The following NBEA variants were observed in gnomAD, a reference collection of about 807,000 sequenced individuals.
NBEA encodes lysosomal-trafficking regulator 2.
A neutral mutation model predicts 343.4 loss-of-function variants in NBEA; 44 were observed. The observed-to-expected ratio is 0.13, with a 90% CI of 0.10 to 0.16. NBEA has a LOEUF of 0.16. Among genes scored for constraint, NBEA ranks in the 10% least tolerant of loss-of-function variants. The probability of loss-of-function intolerance (pLI) is 1.00; values close to 1 mark genes in which losing one functional copy is unlikely to be tolerated. For missense variants in NBEA, 2,555 were observed against 3,631.3 expected, an observed-to-expected ratio of 0.70 and a Z score of 7.62; for synonymous variants, 1,175 against 1,238.7, an observed-to-expected ratio of 0.95 and a Z score of 1.08.
At chr13:35,055,261 A>T (rs1187684890) in intron 6 of NBEA, among the ~76,000 whole-genome samples, 1 of 152,122 alleles carries the variant, frequency 6.6e-6, no homozygotes, top group African/African-American at 2.4e-5. Flanking sequence ...TTAGGCTATT[A>T]ACTCTCAGGA....
At chr13:35,398,741 C>A (rs2042863416) in intron 38 of NBEA, among the ~76,000 whole-genome samples, 1 of 152,028 alleles carries the variant, frequency 6.6e-6, no homozygotes, top group Non-Finnish European at 1.5e-5. Flanking sequence ...AGAGCACAGG[C>A]AGACTAGATT....
intron 1 of NBEA, among the ~76,000 whole-genome samples, chr13:34,968,660 C>G (rs1213433568): frequency 2.6e-5 from 4 of 151,936 alleles, no homozygotes; most frequent in African/African-American, 9.7e-5. Flanking sequence ...GTTTGCAGAC[C>G]CTTGCTTTAG....
At chr13:35,644,835 T>C (rs1388039752) in intron 49 of NBEA, among the ~76,000 whole-genome samples, 1 of 152,216 alleles carries the variant, frequency 6.6e-6, no homozygotes, top group Non-Finnish European at 1.5e-5. Flanking sequence ...TGTAAATGCA[T>C]CATATGTGAA....
rs531919886 is a variant in NBEA at position 35,289,871 on chromosome 13, AT to A, written c.5777-512del. Among the ~76,000 whole-genome samples, 823 of 151,876 alleles carry A rather than the reference AT, an allele frequency of 5.4e-3. 7 individuals are homozygous for A. The highest frequency in any genetic ancestry group is 0.019 in the African/African-American group (772 of 41,510). On this transcript the variant is annotated intron_variant, in intron 34 of 58. Coordinates refer to ENST00000379939, the MANE Select transcript of NBEA (RefSeq NM_001385012.1). ...GCATTGCTTGATGTGTTAATCATAC[AT>A]TTTTTATTATTTTTAAAATTATTTA...
At chr13:35,179,344 A>G (rs548420118) in intron 28 of NBEA, among the ~76,000 whole-genome samples, 2 of 151,692 alleles carry the variant, frequency 1.3e-5, no homozygotes, top group Non-Finnish European at 3.0e-5. Context: ...CACCATGGCA[A>G]CACTTAAAGC....
intron 49 of NBEA, among the ~76,000 whole-genome samples, chr13:35,641,766 C>T (rs1055233684): frequency 3.3e-5 from 5 of 151,922 alleles, no homozygotes; most frequent in African/African-American, 4.8e-5. Context: ...GATATGGAAC[C>T]TTCTAGTTCC....
intron 34 of NBEA, among the ~76,000 whole-genome samples, chr13:35,245,086 C>CT: frequency 6.6e-6 from 1 of 152,064 alleles, no homozygotes; most frequent in Admixed American, 6.5e-5. Flanking sequence ...ATTTCTTTCT[C>CT]TTGTTTGGTC....
chr13:35,113,681 A>T (rs1310548656), intron 13 of NBEA, among the ~76,000 whole-genome samples: 1 of 152,110 alleles, frequency 6.6e-6, no homozygotes, highest in Non-Finnish European at 1.5e-5. Flanking sequence ...TCAATGTGTT[A>T]TATCAACAGT....
chr13:35,377,888 C>G (rs1230355143), intron 38 of NBEA, among the ~76,000 whole-genome samples: 1 of 152,164 alleles, frequency 6.6e-6, no homozygotes, highest in Non-Finnish European at 1.5e-5. Flanking sequence ...TACTCCCTGC[C>G]TGAAACAAAA....
chr13:35,182,294 C>G, intron 28 of NBEA, 66 bp from the exon 29 acceptor site: 2 of 1,436,278 alleles, frequency 1.4e-6, no homozygotes, highest in Non-Finnish European at 9.3e-7. Flanking sequence ...ATAGCAGTTT[C>G]TAGTGCTTTA....
intron 1 of NBEA, among the ~76,000 whole-genome samples, chr13:34,988,664 C>A (rs1393643965): frequency 6.6e-6 from 1 of 150,976 alleles, no homozygotes. Context: ...TCCTATTCGG[C>A]CATCTTGGAC....
intron 35 of NBEA, among the ~76,000 whole-genome samples, chr13:35,305,089 T>C (rs2036807610): frequency 6.6e-6 from 1 of 152,236 alleles, no homozygotes; most frequent in Admixed American, 6.5e-5. Context: ...TCAGTGTTTC[T>C]TGTAAGTATC....
intron 34 of NBEA, among the ~76,000 whole-genome samples, chr13:35,272,593 G>A (rs1238220094): frequency 6.6e-6 from 1 of 152,158 alleles, no homozygotes; most frequent in Non-Finnish European, 1.5e-5. Flanking sequence ...CCATCAGTGT[G>A]CCGTATTCAG....
intron 34 of NBEA, among the ~76,000 whole-genome samples, chr13:35,264,561 G>T (rs1423472606): frequency 6.6e-6 from 1 of 151,806 alleles, no homozygotes; most frequent in Non-Finnish European, 1.5e-5. Flanking sequence ...GATCAAGTGA[G>T]ATTCATCCTA....
At chr13:35,386,968 T>A (rs2042271814) in intron 38 of NBEA, among the ~76,000 whole-genome samples, 1 of 152,164 alleles carries the variant, frequency 6.6e-6, no homozygotes, top group Non-Finnish European at 1.5e-5. Flanking sequence ...CACTGATAAA[T>A]CAGCTTGAAA....
At chr13:35,485,747 C>G (rs911713151) in intron 41 of NBEA, among the ~76,000 whole-genome samples, 1 of 152,018 alleles carries the variant, frequency 6.6e-6, no homozygotes, top group African/African-American at 2.4e-5. Flanking sequence ...CAGATAGTAA[C>G]TTAACCTTTA....
intron 17 of NBEA, among the ~76,000 whole-genome samples, chr13:35,126,036 G>T (rs1323472112): frequency 6.6e-6 from 1 of 152,264 alleles, no homozygotes; most frequent in Non-Finnish European, 1.5e-5. Context: ...ATATGGTTTG[G>T]TTGTGTCCCC....
intron 38 of NBEA, among the ~76,000 whole-genome samples, chr13:35,416,012 C>A (rs538527473): frequency 6.6e-6 from 1 of 152,114 alleles, no homozygotes. Context: ...AATGGGAGTT[C>A]ACTCATGATT....
At chr13:35,445,781 T>TA (rs1491450364) in intron 39 of NBEA, among the ~76,000 whole-genome samples, 6 of 80,714 alleles carry the variant, frequency 7.4e-5, no homozygotes, top group Admixed American at 6.4e-4. Flanking sequence ...GATATAAATG[T>TA]TTATATATAT....
Sources: allele counts gnomAD v4.1 joint callset (sites outside exome capture counted in the v4.1 genomes callset), GRCh38; gene constraint gnomAD v4.1.1; transcripts MANE v1.5; gene names NCBI Gene and HGNC (gene_info 2026-07-23, HGNC 2026-07-21).